Variants in TRPM8 observed in about 807,000 individuals in gnomAD.
The protein encoded by TRPM8 is TRPM8 cationic channel.
Under a neutral mutation model 133.7 loss-of-function variants are expected in TRPM8, and 110 were observed. The ratio of observed to expected loss-of-function variants is 0.82; its 90% CI spans 0.70 to 0.96. TRPM8 has a LOEUF of 0.96. TRPM8 is among the 40% of genes least tolerant of loss of function. The pLI is 0.00. For missense variants in TRPM8, 1,291 were observed against 1,379.5 expected (o/e 0.94, Z 1.02); for synonymous variants, 535 against 532.3 (o/e 1.01, Z -0.07).
chr2:233,948,758 C>A (rs1691103917), intron 8 of TRPM8, among the ~76,000 whole-genome samples: 1 of 152,188 alleles, frequency 6.6e-6, no homozygotes. Context: ...CAGGGCCGGG[C>A]ACAGTGGCTC....
chr2:233,974,707 G>A (rs887646896), intron 17 of TRPM8, among the ~76,000 whole-genome samples: 2 of 152,186 alleles, frequency 1.3e-5, no homozygotes, highest in African/African-American at 4.8e-5. Flanking sequence ...CTCTGTGGGG[G>A]CAGCAGAGTT....
intron 23 of TRPM8, 59 bp from the exon 24 acceptor site, chr2:234,008,011 A>C: frequency 3.3e-5 from 46 of 1,413,894 alleles, no homozygotes; most frequent in Non-Finnish European, 4.1e-5. Flanking sequence ...GGAGCCTAAT[A>C]GCCCTCTCTC....
At chr2:233,941,805 G>T (rs928789883) in intron 5 of TRPM8, among the ~76,000 whole-genome samples, 8 of 152,216 alleles carry the variant, frequency 5.3e-5, no homozygotes, top group Admixed American at 3.9e-4. Context: ...CCCTAAAAAG[G>T]CCAGTGTACA....
intron 13 of TRPM8, among the ~76,000 whole-genome samples, chr2:233,964,019 A>G (rs1333125099): frequency 1.3e-5 from 2 of 152,186 alleles, no homozygotes; most frequent in African/African-American, 4.8e-5. Flanking sequence ...TTCTATGTTC[A>G]AGACTGTGAA....
chr2:233,941,436 C>A (rs1690902357), intron 5 of TRPM8, among the ~76,000 whole-genome samples: 1 of 152,116 alleles, frequency 6.6e-6, no homozygotes, highest in Non-Finnish European at 1.5e-5. Context: ...ATCGTACTTA[C>A]CTGAAAATAT....
Position 233,921,095 on chromosome 2 carries a change from A to G in TRPM8, c.-6+3663A>G, listed in dbSNP as rs548375683. ...AGGCTGGTCTCGAACTCCTGACCTC[A>G]GGCGATCCACCCGCCTTGGCCTCCC... On this transcript the variant is annotated intron_variant, in intron 1 of 25. Transcript: ENST00000324695. 9.2e-5 allele frequency among the ~76,000 whole-genome samples: 14 copies of G among 152,114 alleles called. No homozygotes were observed. The East Asian group carries it at 2.7e-3, about 29-fold the overall frequency.
intron 25 of TRPM8, among the ~76,000 whole-genome samples, 185 bp from the exon 26 acceptor site, chr2:234,017,114 C>T (rs17869077): frequency 0.15 from 22,707 of 151,598 alleles, 1,961 homozygotes; most frequent in Admixed American, 0.22. Context: ...TCAGAATACA[C>T]ATCTTTAAGA....
chr2:234,009,810 T>A (rs1302243280), intron 24 of TRPM8, among the ~76,000 whole-genome samples: 1 of 152,350 alleles, frequency 6.6e-6, no homozygotes, highest in East Asian at 1.9e-4. Flanking sequence ...AATTTATTTT[T>A]AAACAGCTTT....
intron 5 of TRPM8, among the ~76,000 whole-genome samples, chr2:233,940,243 G>T (rs1574704431): frequency 6.7e-6 from 1 of 149,924 alleles, no homozygotes. Flanking sequence ...AATTAATATT[G>T]ACCGGTAGAA....
intron 21 of TRPM8, among the ~76,000 whole-genome samples, chr2:233,987,898 A>AC (rs1401343670): frequency 6.6e-6 from 1 of 151,580 alleles, no homozygotes; most frequent in African/African-American, 2.4e-5. Context: ...GTAAGACGTG[A>AC]CTTGCTCCTC....
At chr2:233,960,385 C>G (rs1691403051) in intron 11 of TRPM8, among the ~76,000 whole-genome samples, 1 of 152,116 alleles carries the variant, frequency 6.6e-6, no homozygotes, top group Non-Finnish European at 1.5e-5. Context: ...AGAGGTGGTT[C>G]CAGCTCTACT....
At chr2:234,002,310 G>T (rs915571204) in intron 22 of TRPM8, among the ~76,000 whole-genome samples, 1 of 151,978 alleles carries the variant, frequency 6.6e-6, no homozygotes, top group African/African-American at 2.4e-5. Context: ...CGAGAGTAAG[G>T]CTTGGACTGT....
chr2:233,978,430 A>G (rs1050293546), intron 17 of TRPM8, among the ~76,000 whole-genome samples: 11 of 152,088 alleles, frequency 7.2e-5, no homozygotes, highest in African/African-American at 2.7e-4. Flanking sequence ...ACTTTTTAAC[A>G]TCTCTGAAAC....
At chr2:233,969,159 A>C (rs1443779284) in intron 15 of TRPM8, among the ~76,000 whole-genome samples, 2 of 152,136 alleles carry the variant, frequency 1.3e-5, no homozygotes, top group African/African-American at 4.8e-5. Context: ...AGTGCACATA[A>C]TGCAACTCAG....
chr2:233,940,706 C>G (rs13020968), intron 5 of TRPM8, among the ~76,000 whole-genome samples: 6,436 of 152,220 alleles, frequency 0.042, 172 homozygotes, highest in Admixed American at 0.075. Flanking sequence ...AAGCCATACC[C>G]GCTGTACGTG....
intron 1 of TRPM8, among the ~76,000 whole-genome samples, chr2:233,924,469 T>A (rs933342573): frequency 2.3e-4 from 35 of 152,196 alleles, no homozygotes; most frequent in African/African-American, 8.2e-4. Flanking sequence ...ATGCTTCTTT[T>A]ACTTCTGAGC....
chr2:233,999,802 T>C (rs1332837719), intron 22 of TRPM8, among the ~76,000 whole-genome samples: 2 of 152,176 alleles, frequency 1.3e-5, no homozygotes, highest in East Asian at 3.9e-4. Context: ...AACACAATTT[T>C]CTATGCCCTG....
At position 234,010,046 on chromosome 2, in the gene TRPM8, C is replaced by A. The variant is rs373240535; in HGVS notation, c.3264+1943C>A. 3.3e-5 allele frequency among the ~76,000 whole-genome samples: 5 copies of A among 152,238 alleles called. No homozygotes were observed. The East Asian group carries it at 9.7e-4, about 29-fold the overall frequency. On this transcript the variant is annotated intron_variant, in intron 24 of 25. Coordinates refer to ENST00000324695, the MANE Select transcript of TRPM8 (RefSeq NM_024080.5). ...AATTTCGTGGGTACAATGTTGTTAA[C>A]TATTGTCACCATGCTGTACAGTTGA...
At position 233,944,671 on chromosome 2, in the gene TRPM8, A is replaced by G. The variant is rs1284355442; in HGVS notation, c.700-1185A>G. On this transcript the variant is annotated intron_variant, in intron 6 of 25. Transcript: ENST00000324695. ...AGAAAGCAATGCAAATAAAAACATT[A>G]CATATTAAGAATATATGTCAATATG... is the stretch of plus-strand genomic sequence containing the variant. Among the ~76,000 whole-genome samples the G allele has an allele frequency of 2.0e-5, 3 of 152,246 alleles. No homozygotes were observed. The East Asian group carries it at 5.8e-4, about 29-fold the overall frequency.
Sources: allele counts gnomAD v4.1 joint callset (sites outside exome capture counted in the v4.1 genomes callset), GRCh38; gene constraint gnomAD v4.1.1; transcripts MANE v1.5; gene names NCBI Gene and HGNC (gene_info 2026-07-23, HGNC 2026-07-21).